KDM4D: variants seen among roughly 807,000 people sequenced by gnomAD.
KDM4D encodes the protein lysine demethylase 4D.
For missense variants in KDM4D, 427 were observed against 674.8 expected (o/e 0.63, Z 4.07); for synonymous variants, 254 against 249.1 (o/e 1.02, Z -0.19).
rs1370572981 is a variant in KDM4D at position 94,997,935 on chromosome 11, C to T, written c.563C>T (p.Thr188Met). The change falls in exon 3 of 3, where the codon ACG (threonine) becomes ATG (methionine). Residue 188 changes from threonine to methionine, a missense_variant. Physicochemically the swap from Thr to Met is moderately conservative, Grantham distance 81 (BLOSUM62 -1). Coordinates refer to ENST00000335080, the MANE Select transcript of KDM4D (RefSeq NM_018039.3). ...PYLYFGMWKT[T>M]FAWHTEDMDL... The stretch of plus-strand genomic sequence containing the variant: ...TTGTACTTTGGCATGTGGAAAACCA[C>T]GTTTGCTTGGCATACAGAGGACATG... 4 of 1,614,222 alleles carry T rather than the reference C, an allele frequency of 2.5e-6. No individual in the cohort carries two copies. Among genetic ancestry groups the T allele is most frequent in the Non-Finnish European group, 2.5e-6 (3 of 1,180,042 alleles).
At position 94,993,653 on chromosome 11, in the gene KDM4D, C is replaced by T. The variant is rs368032741; in HGVS notation, c.-349-3371C>T. 6.0e-4 allele frequency among the ~76,000 whole-genome samples: 91 copies of T among 151,590 alleles called. 2 individuals are homozygous for T. The highest frequency in any genetic ancestry group is 1.9e-3 in the African/African-American group (79 of 41,334). On this transcript the variant is annotated intron_variant, in intron 2 of 2. Coordinates refer to ENST00000335080, the MANE Select transcript of KDM4D (RefSeq NM_018039.3). Reference sequence around the variant, plus strand: ...CCTTAGAAATGTAGAAAAGAAGTAACGCAGTTTATAAAACAGATACAAAGT... The same window carrying T: ...CCTTAGAAATGTAGAAAAGAAGTAATGCAGTTTATAAAACAGATACAAAGT...
chr11:94,983,475 T>G (rs1167677051), intron 2 of KDM4D, among the ~76,000 whole-genome samples: 1 of 152,074 alleles, frequency 6.6e-6, no homozygotes, highest in Non-Finnish European at 1.5e-5. Context: ...TTTAATTTTT[T>G]CAAATATCAA....
intron 2 of KDM4D, among the ~76,000 whole-genome samples, chr11:94,978,058 A>C (rs1237143790): frequency 6.6e-6 from 1 of 152,204 alleles, no homozygotes; most frequent in Non-Finnish European, 1.5e-5. Flanking sequence ...CAGAAATATG[A>C]CTTTCTTTCG....
At chr11:94,986,448 AGC>A (rs1301374569) in intron 2 of KDM4D, among the ~76,000 whole-genome samples, 2 of 152,080 alleles carry the variant, frequency 1.3e-5, no homozygotes, top group Non-Finnish European at 2.9e-5. Flanking sequence ...AAAAAAAATT[AGC>A]CAGGCATGGT....
At chr11:94,986,878 G>A (rs1029292603) in intron 2 of KDM4D, among the ~76,000 whole-genome samples, 4 of 152,150 alleles carry the variant, frequency 2.6e-5, no homozygotes, top group Non-Finnish European at 5.9e-5. Flanking sequence ...GTTCATAACA[G>A]TATTATTCGT....
intron 2 of KDM4D, among the ~76,000 whole-genome samples, chr11:94,977,454 G>A (rs868932007): frequency 1.3e-5 from 2 of 152,020 alleles, no homozygotes; most frequent in South Asian, 2.1e-4. Flanking sequence ...GCTTGGACAC[G>A]CACACAGCTG....
chr11:94,989,712 A>G (rs370856043), intron 2 of KDM4D, among the ~76,000 whole-genome samples: 15 of 151,566 alleles, frequency 9.9e-5, no homozygotes, highest in East Asian at 9.7e-4. Context: ...GGTACAGGAA[A>G]AGTTGCCCTT....
intron 2 of KDM4D, among the ~76,000 whole-genome samples, chr11:94,980,295 G>A (rs587605751): frequency 1.3e-5 from 2 of 152,214 alleles, no homozygotes; most frequent in East Asian, 3.9e-4. Context: ...TCATTTTTGT[G>A]CGTGGCATGC....
chr11:94,984,962 G>T (rs1857872558), intron 2 of KDM4D, among the ~76,000 whole-genome samples: 1 of 152,182 alleles, frequency 6.6e-6, no homozygotes, highest in Non-Finnish European at 1.5e-5. Context: ...TTATAGGCAG[G>T]GGGAGAGAGA....
intron 2 of KDM4D, among the ~76,000 whole-genome samples, chr11:94,978,067 C>T (rs989001905): frequency 5.9e-5 from 9 of 152,186 alleles, no homozygotes; most frequent in South Asian, 2.1e-4. Flanking sequence ...GACTTTCTTT[C>T]GGGAGAGAAT....
At chr11:94,993,596 A>G (rs1292436742) in intron 2 of KDM4D, among the ~76,000 whole-genome samples, 1 of 150,550 alleles carries the variant, frequency 6.6e-6, no homozygotes, top group Non-Finnish European at 1.5e-5. Context: ...GACTATATGT[A>G]TAAGGAGACA....
chr11:94,993,682 C>A (rs145019897), intron 2 of KDM4D, among the ~76,000 whole-genome samples: 7 of 152,056 alleles, frequency 4.6e-5, no homozygotes, highest in African/African-American at 1.7e-4. Context: ...ACAAAGTGCT[C>A]AACCCAAAGC....
chr11:94,991,955 A>G (rs1555098740), intron 2 of KDM4D, among the ~76,000 whole-genome samples: 1 of 152,116 alleles, frequency 6.6e-6, no homozygotes, highest in African/African-American at 2.4e-5. Flanking sequence ...TCTGTAAAGA[A>G]CCAAGAATCA....
At chr11:94,977,177 G>A (rs1555097076) in intron 2 of KDM4D, among the ~76,000 whole-genome samples, 2 of 152,144 alleles carry the variant, frequency 1.3e-5, no homozygotes, top group Non-Finnish European at 2.9e-5. Flanking sequence ...ACCTTCTAAT[G>A]AGGAAAATGA....
intron 2 of KDM4D, among the ~76,000 whole-genome samples, chr11:94,996,071 G>A (rs587767466): frequency 7.9e-5 from 12 of 152,218 alleles, no homozygotes; most frequent in African/African-American, 2.4e-4. Context: ...TGTTAGTTCC[G>A]TACCTTTCCT....
intron 2 of KDM4D, among the ~76,000 whole-genome samples, chr11:94,979,224 T>TTTTA (rs587593701): frequency 1.3e-5 from 2 of 152,082 alleles, no homozygotes; most frequent in East Asian, 1.9e-4. Context: ...GCATTTCCTT[T>TTTTA]TTTATTTATT....
rs1035716061 is a variant in KDM4D at position 94,997,813 on chromosome 11, A to G, written c.441A>G (p.Glu147=). The G allele has an allele frequency of 6.2e-7, 1 of 1,614,120 alleles. No individual in the cohort carries two copies. The highest frequency in any genetic ancestry group is 8.5e-7 in the Non-Finnish European group (1 of 1,180,038). The change falls in exon 3 of 3, where the codon GAA becomes GAG. Residue 147 remains glutamate (E), a synonymous_variant. Coordinates refer to ENST00000335080, the MANE Select transcript of KDM4D (RefSeq NM_018039.3). ...ACATCAGTGGCTCCTTGTTTGATGA[A>G]AACACTAAACAATGGAATCTTGGGC... ...GADISGSLFD[E]NTKQWNLGHL...
At position 94,998,397 on chromosome 11, in the gene KDM4D, G is replaced by A. The variant is rs782273969; in HGVS notation, c.1025G>A (p.Arg342Gln). 2.0e-5 allele frequency: 32 copies of A among 1,614,046 alleles called. No individual in the cohort carries two copies. The highest frequency in any genetic ancestry group is 1.7e-4 in the Middle Eastern group (1 of 6,060). The change falls in exon 3 of 3, where the codon CGG (arginine) becomes CAG (glutamine). Residue 342 changes from arginine to glutamine, a missense_variant. Coordinates refer to ENST00000335080, the MANE Select transcript of KDM4D (RefSeq NM_018039.3). The surrounding 1 kb of genome is among the most constrained non-coding windows in gnomAD (Gnocchi z 6.7). ...RYDLWKRGQD[R>Q]AVVDHMEPRV... ...GACCTGTGGAAACGTGGGCAAGACC[G>A]GGCAGTTGTGGACCACATGGAGCCC...
intron 2 of KDM4D, among the ~76,000 whole-genome samples, chr11:94,986,009 CA>C (rs1857882126): frequency 6.6e-6 from 1 of 152,112 alleles, no homozygotes; most frequent in Non-Finnish European, 1.5e-5. Flanking sequence ...TTCTTAGACA[CA>C]AAGCCAAAAG....
Sources: allele counts gnomAD v4.1 joint callset (sites outside exome capture counted in the v4.1 genomes callset), GRCh38; gene constraint gnomAD v4.1.1; non-coding constraint Gnocchi (gnomAD v3.1); transcripts MANE v1.5; gene names NCBI Gene and HGNC (gene_info 2026-07-23, HGNC 2026-07-21).